Variants in ATP2C1 observed in about 807,000 individuals in gnomAD.
The protein encoded by ATP2C1 is calcium-transporting ATPase type 2C member 1.
ATP2C1 carries 31 observed loss-of-function variants against 120.5 expected under a neutral mutation model. The observed-to-expected ratio is 0.26, with a 90% CI of 0.19 to 0.35. The LOEUF (loss-of-function observed/expected upper bound fraction) is 0.35. Among genes scored for constraint, ATP2C1 ranks in the 10% least tolerant of loss-of-function variants. The pLI, the probability that ATP2C1 is intolerant of heterozygous loss-of-function variation, is 1.00. For synonymous variants in ATP2C1, 351 were observed against 358.7 expected, an observed-to-expected ratio of 0.98 and a Z score of 0.24; for missense variants, 731 against 1,107.5, an observed-to-expected ratio of 0.66 and a Z score of 4.83.
chr3:130,969,773 T>A (rs975113841), intron 17 of ATP2C1, among the ~76,000 whole-genome samples: 1 of 152,226 alleles, frequency 6.6e-6, no homozygotes, highest in Non-Finnish European at 1.5e-5. Context: ...AAGGAATGTC[T>A]TATCTTTAGA....
chr3:130,998,868 G>A (rs1381431487), intron 26 of ATP2C1, among the ~76,000 whole-genome samples: 1 of 152,094 alleles, frequency 6.6e-6, no homozygotes, highest in Non-Finnish European at 1.5e-5. Context: ...AGGTGTGACT[G>A]CTGCTTCTTG....
At chr3:130,963,054 T>C (rs993347147) in intron 12 of ATP2C1, 3 of 152,050 alleles carry the variant, frequency 2.0e-5, no homozygotes, top group African/African-American at 7.2e-5. Context: ...TATGTCCTTA[T>C]TTCTAGCAGA....
intron 25 of ATP2C1, among the ~76,000 whole-genome samples, chr3:130,998,048 AAAT>A (rs1241852811): frequency 1.3e-5 from 2 of 152,178 alleles, no homozygotes; most frequent in African/African-American, 4.8e-5. Flanking sequence ...TATTATTTTT[AAAT>A]AATAACAGTA....
At position 130,980,610 on chromosome 3, in the gene ATP2C1, T is replaced by C. The variant is rs772226584; in HGVS notation, c.1770T>C (p.Thr590=). The change falls in exon 20 of 28, where the codon ACT becomes ACC. Residue 590 remains threonine (T), a synonymous_variant. Transcript: ENST00000510168. The part of the protein sequence containing the change: ...IASRLGLYSK[T]SQSVSGEEID... Reference sequence around the variant, plus strand: ...GTCGTCTGGGATTGTATTCCAAAACTTCCCAGTCAGTCTCAGGAGAAGAAA... The same window carrying C: ...GTCGTCTGGGATTGTATTCCAAAACCTCCCAGTCAGTCTCAGGAGAAGAAA... 4.3e-6 allele frequency: 7 copies of C among 1,613,316 alleles called. No homozygotes were observed. The highest frequency in any genetic ancestry group is 8.5e-7 in the Non-Finnish European group (1 of 1,179,468).
intron 1 of ATP2C1, among the ~76,000 whole-genome samples, chr3:130,879,778 C>G (rs995135115): frequency 6.6e-6 from 1 of 152,086 alleles, no homozygotes; most frequent in Non-Finnish European, 1.5e-5. Flanking sequence ...TGCGATAGTA[C>G]AGTCTCTGTA....
At position 130,999,665 on chromosome 3, in the gene ATP2C1, G is replaced by T. The variant is rs1026176391; in HGVS notation, c.2629+6G>T. On this transcript the variant is annotated splice_donor_region_variant and intron_variant, in intron 27 of 27. Coordinates refer to ENST00000510168, the MANE Select transcript of ATP2C1 (RefSeq NM_001378687.1). ...TGAGAGCCTAAGCATACTGGGTAAA[G>T]AAAACGTTATCTTTATCATTTATGT... 6.2e-7 allele frequency: 1 copy of T among 1,608,788 alleles called. No homozygotes were observed.
intron 1 of ATP2C1, among the ~76,000 whole-genome samples, chr3:130,857,133 T>A (rs1397903067): frequency 6.6e-6 from 1 of 152,244 alleles, no homozygotes; most frequent in African/African-American, 2.4e-5. Context: ...AACTATTTTA[T>A]TATGGTAATG....
At chr3:130,911,186 T>C (rs2058390656) in intron 2 of ATP2C1, among the ~76,000 whole-genome samples, 1 of 130,294 alleles carries the variant, frequency 7.7e-6, no homozygotes. Flanking sequence ...GGAGCGTGTA[T>C]GTGTTGAGGA....
At chr3:130,963,758 G>GT (rs2108631246) in intron 12 of ATP2C1, 1 of 536,822 alleles carries the variant, frequency 1.9e-6, no homozygotes, top group East Asian at 3.5e-5. Context: ...GCAATTTGAT[G>GT]TCAGAACCTA....
intron 8 of ATP2C1, among the ~76,000 whole-genome samples, chr3:130,942,914 C>T (rs2059983822): frequency 6.6e-6 from 1 of 152,148 alleles, no homozygotes; most frequent in South Asian, 2.1e-4. Context: ...AATTTAAATT[C>T]ATGGAGTTCA....
chr3:130,956,908 G>A (rs1158371930), intron 11 of ATP2C1, among the ~76,000 whole-genome samples: 2 of 152,042 alleles, frequency 1.3e-5, no homozygotes, highest in Non-Finnish European at 2.9e-5. Context: ...TTGAGTCTTA[G>A]ATTGATAAAA....
At chr3:130,891,208 CATT>C (rs1249510699), upstream of ATP2C1, among the ~76,000 whole-genome samples, 3 of 152,146 alleles carry the variant, frequency 2.0e-5, no homozygotes. Context: ...TAAAAGAAGA[CATT>C]AATTAATTGA....
downstream of ATP2C1, among the ~76,000 whole-genome samples, chr3:131,003,764 T>C (rs1476934545): frequency 2.6e-5 from 4 of 152,250 alleles, no homozygotes; most frequent in African/African-American, 9.6e-5. Flanking sequence ...GTATTTTACA[T>C]TGGTAGTCTT....
At chr3:130,959,396 T>C (rs2060720288) in intron 12 of ATP2C1, 55 bp downstream of exon 12, 3 of 1,191,644 alleles carry the variant, frequency 2.5e-6, no homozygotes, top group Non-Finnish European at 3.7e-6. Context: ...ATTTCTCTAA[T>C]GGACATAGCT....
intron 11 of ATP2C1, among the ~76,000 whole-genome samples, chr3:130,958,525 GA>G (rs879835569): frequency 4.6e-4 from 68 of 148,628 alleles, no homozygotes; most frequent in African/African-American, 7.1e-4. Context: ...ATATAAAGAT[GA>G]AAAAAAAAAC....
At chr3:130,862,128 C>T (rs1212779891) in intron 1 of ATP2C1, among the ~76,000 whole-genome samples, 1 of 150,794 alleles carries the variant, frequency 6.6e-6, no homozygotes, top group African/African-American at 2.4e-5. Context: ...CGCCTGCCAC[C>T]ATGCCTGGCT....
intron 1 of ATP2C1, among the ~76,000 whole-genome samples, chr3:130,872,202 C>T (rs563522621): frequency 1.3e-5 from 2 of 152,202 alleles, no homozygotes; most frequent in African/African-American, 4.8e-5. Flanking sequence ...TTAGGTCCTG[C>T]ATACTTTCTA....
intron 2 of ATP2C1, among the ~76,000 whole-genome samples, chr3:130,915,070 C>T (rs1025929626): frequency 6.7e-6 from 1 of 150,200 alleles, no homozygotes; most frequent in South Asian, 2.1e-4. Context: ...TGTGAACTTA[C>T]TGGGATTAAT....
intron 1 of ATP2C1, among the ~76,000 whole-genome samples, chr3:130,863,015 G>T (rs1197463514): frequency 2.0e-5 from 3 of 152,146 alleles, no homozygotes; most frequent in Non-Finnish European, 4.4e-5. Context: ...CTTAAAGAGG[G>T]TTCTGCAAGT....
Sources: allele counts gnomAD v4.1 joint callset (sites outside exome capture counted in the v4.1 genomes callset), GRCh38; gene constraint gnomAD v4.1.1; transcripts MANE v1.5; gene names NCBI Gene and HGNC (gene_info 2026-07-23, HGNC 2026-07-21).